USP8: variants seen among roughly 807,000 people sequenced by gnomAD.
USP8 encodes ubiquitin carboxyl-terminal hydrolase 8.
A neutral mutation model predicts 130.0 loss-of-function variants in USP8; 27 were observed. The ratio of observed to expected loss-of-function variants is 0.21; its 90% confidence interval spans 0.15 to 0.29. USP8 has a LOEUF of 0.29. Ranked by LOEUF, USP8 falls within the 10% of genes least tolerant of loss-of-function variation. The probability of loss-of-function intolerance (pLI) is 1.00; values close to 1 mark genes in which losing one functional copy is unlikely to be tolerated. For synonymous variants in USP8, 392 were observed against 444.1 expected (o/e 0.88, Z 1.48); for missense variants, 1,029 against 1,312.2 (o/e 0.78, Z 3.33).
At chr15:50,434,625 T>C (rs1280117811) in intron 1 of USP8, among the ~76,000 whole-genome samples, 3 of 152,164 alleles carry the variant, frequency 2.0e-5, no homozygotes, top group African/African-American at 7.2e-5. Context: ...TTGTTTTGTT[T>C]TGTTTTAAAA....
rs2052751529 is a variant in USP8 at position 50,512,518 on chromosome 15, T to C, written c.*13430T>C. ...AAACTACTGAACTGGCCAGGCACAG[T>C]GGCTCACACCTGTAATCCCAGCACT... On this transcript the variant is annotated 3_prime_UTR_variant, in exon 20 of 20. Coordinates refer to ENST00000307179, the MANE Select transcript of USP8 (RefSeq NM_005154.5). 1 of 152,456 alleles carries C rather than the reference T, an allele frequency of 6.6e-6. No individual in the cohort carries two copies. The highest frequency in any genetic ancestry group is 1.5e-5 in the Non-Finnish European group (1 of 68,376). The allele number at this position is 152,456 out of a possible 1,614,324, so 9.4% of individuals were successfully genotyped here.
chr15:50,442,304 T>C lies in USP8; in HGVS notation c.249+811T>C, dbSNP rs2050286715. Among the ~76,000 whole-genome samples the C allele has an allele frequency of 1.3e-5, 2 of 152,188 alleles. 1 individual carries two copies. The highest frequency in any genetic ancestry group is 4.1e-4 in the South Asian group (2 of 4,834). On this transcript the variant is annotated intron_variant, in intron 3 of 19. Transcript: ENST00000307179. The stretch of plus-strand genomic sequence containing the variant: ...ACCAAATCTTTAAACTTCTTTTTGC[T>C]TTTAATCCTTTGAACAGGTGCTTGT...
intron 10 of USP8, 146 bp downstream of exon 10, chr15:50,477,645 A>G (rs183784550): frequency 9.2e-6 from 6 of 653,726 alleles, no homozygotes; most frequent in African/African-American, 7.3e-5. Context: ...TTTGAGACCA[A>G]CCTGGCCAAC....
chr15:50,459,899 CTTTG>C (rs1247965411), intron 5 of USP8, among the ~76,000 whole-genome samples: 1 of 151,166 alleles, frequency 6.6e-6, no homozygotes, highest in African/African-American at 2.4e-5. Flanking sequence ...TAGTATACTA[CTTTG>C]TTTGGTACCA....
At chr15:50,443,937 C>T (rs569547120) in intron 3 of USP8, among the ~76,000 whole-genome samples, 5 of 152,110 alleles carry the variant, frequency 3.3e-5, no homozygotes, top group South Asian at 4.1e-4. Context: ...AGAGGCCTTC[C>T]TAAATTCAAA....
At chr15:50,470,884 C>T (rs905852233) in intron 7 of USP8, among the ~76,000 whole-genome samples, 7 of 152,188 alleles carry the variant, frequency 4.6e-5, no homozygotes, top group African/African-American at 1.7e-4. Flanking sequence ...AGGCATGAGC[C>T]ACCATGCCCA....
At chr15:50,447,309 C>T (rs1481910473) in intron 3 of USP8, among the ~76,000 whole-genome samples, 2 of 152,230 alleles carry the variant, frequency 1.3e-5, no homozygotes, top group African/African-American at 2.4e-5. Flanking sequence ...GGCACTGTCT[C>T]TGCTCACTGC....
chr15:50,471,552 G>T, intron 7 of USP8, 81 bp from the exon 8 acceptor site: 1 of 1,497,206 alleles, frequency 6.7e-7, no homozygotes, highest in South Asian at 1.3e-5. Flanking sequence ...AAAGACTGTG[G>T]AACAAAACTG....
At position 50,505,637 on chromosome 15, in the gene USP8, A is replaced by T. The variant is rs547946053; in HGVS notation, c.*6549A>T. The T allele has an allele frequency of 2.0e-5, 3 of 152,228 alleles. No individual in the cohort carries two copies. Among genetic ancestry groups the T allele is most frequent in the African/African-American group, 7.2e-5 (3 of 41,438 alleles). 9.4% of individuals were successfully genotyped at this position (152,228 alleles called of 1,614,324 possible). A position where few individuals can be genotyped will look rare whatever the true frequency, so the allele number is the denominator to read the frequency against. ...CCAATATGAACAGTAGAAAACCATGATAATGTCTCCTTTGGAGGCATATTA... is the reference window on the plus strand; with the variant it reads ...CCAATATGAACAGTAGAAAACCATGTTAATGTCTCCTTTGGAGGCATATTA... On this transcript the variant is annotated 3_prime_UTR_variant, in exon 20 of 20. Coordinates refer to ENST00000307179, the MANE Select transcript of USP8 (RefSeq NM_005154.5).
In USP8 at chr15:50,492,917, A is replaced by G. The variant is rs1401999198; in HGVS notation, c.2447+4A>G. The G allele has an allele frequency of 8.7e-6, 14 of 1,611,152 alleles. No individual in the cohort carries two copies. The highest frequency in any genetic ancestry group is 1.7e-5 in the Admixed American group (1 of 60,002). On this transcript the variant is annotated splice_donor_region_variant and intron_variant, in intron 15 of 19. Transcript: ENST00000307179. ...GTTATCAGGATGATATTAACAGGTA[A>G]ATACATGTCATACTTTTTGCATTAT...
chr15:50,441,588 G>T (rs898053545), intron 3 of USP8, 95 bp downstream of exon 3: 77 of 1,071,178 alleles, frequency 7.2e-5, no homozygotes, highest in Non-Finnish European at 9.5e-5. Context: ...ATGAAATGTA[G>T]CTCAAATTAT....
chr15:50,460,730 T>G (rs1306386458), intron 5 of USP8, among the ~76,000 whole-genome samples: 2 of 152,178 alleles, frequency 1.3e-5, no homozygotes, highest in African/African-American at 4.8e-5. Context: ...CCTCCCTTCC[T>G]TTACCTCCTC....
intron 11 of USP8, among the ~76,000 whole-genome samples, chr15:50,483,907 T>G (rs2051860747): frequency 6.6e-6 from 1 of 152,238 alleles, no homozygotes; most frequent in Non-Finnish European, 1.5e-5. Context: ...CTTCAAATTT[T>G]TTGAAGCACA....
chr15:50,475,286 ATAGTTAAGTC>A (rs1414627699), intron 8 of USP8, among the ~76,000 whole-genome samples: 1 of 152,218 alleles, frequency 6.6e-6, no homozygotes, highest in African/African-American at 2.4e-5. Context: ...CAATTATTAA[ATAGTTAAGTC>A]ATAGAACAAT....
intron 1 of USP8, among the ~76,000 whole-genome samples, chr15:50,433,329 A>C (rs148211821): frequency 6.6e-6 from 1 of 152,332 alleles, no homozygotes; most frequent in Non-Finnish European, 1.5e-5. Context: ...AGACAGCGAG[A>C]AGATACTTAT....
chr15:50,440,074 T>A (rs965138729), intron 2 of USP8, among the ~76,000 whole-genome samples: 1 of 152,042 alleles, frequency 6.6e-6, no homozygotes, highest in Non-Finnish European at 1.5e-5. Context: ...AGTGAGACTC[T>A]GCCTCAAAAT....
chr15:50,500,790 C>T lies in USP8; in HGVS notation c.*1702C>T. 1 of 1,590,478 alleles carries T rather than the reference C, an allele frequency of 6.3e-7. No homozygotes were observed. Among genetic ancestry groups the T allele is most frequent in the Non-Finnish European group, 8.6e-7 (1 of 1,167,982 alleles). On this transcript the variant is annotated 3_prime_UTR_variant, in exon 20 of 20. Coordinates refer to ENST00000307179, the MANE Select transcript of USP8 (RefSeq NM_005154.5). Reference sequence around the variant, plus strand: ...TATATCAGGCCTGGGTGACTGAATTCTTGCAGAAAGCAGTGTAGTGGCCAC... The same window carrying T: ...TATATCAGGCCTGGGTGACTGAATTTTTGCAGAAAGCAGTGTAGTGGCCAC...
Position 50,441,389 on chromosome 15 carries a change from G to T in USP8, c.145G>T (p.Glu49Ter). The change falls in exon 3 of 20, where the codon GAA becomes TAA. Residue 49 changes from glutamate to a stop codon, truncating the protein, a stop_gained. Coordinates refer to ENST00000307179, the MANE Select transcript of USP8 (RefSeq NM_005154.5). LOFTEE classifies it high-confidence loss of function. ...SALKIFKTAE[E>*]CRLDRDEERA... ...CCTGAAGATCTTTAAGACAGCAGAA[G>T]AATGCAGATTAGATCGTGATGAGGA... 6.2e-7 allele frequency: 1 copy of T among 1,608,536 alleles called. No individual in the cohort carries two copies. Among genetic ancestry groups the T allele is most frequent in the Non-Finnish European group, 8.5e-7 (1 of 1,178,954 alleles).
chr15:50,442,238 T>C (rs946963846), intron 3 of USP8, among the ~76,000 whole-genome samples: 3 of 152,110 alleles, frequency 2.0e-5, no homozygotes, highest in African/African-American at 7.2e-5. Flanking sequence ...CCTCCCAAAG[T>C]GCTGGGATTA....
Sources: gnomAD v4.1 joint callset for allele counts (sites outside exome capture counted in the v4.1 genomes callset) on GRCh38, gnomAD v4.1.1 for gene constraint, MANE v1.5 for transcripts, NCBI Gene and HGNC (gene_info 2026-07-23, HGNC 2026-07-21) for gene names.